The following TRAPPC9 variants were observed in gnomAD, a reference collection of about 807,000 sequenced individuals.
The protein encoded by TRAPPC9 is IKK2 binding protein.
In TRAPPC9, 83 loss-of-function variants were observed where a neutral mutation model predicts 124.0. The observed-to-expected ratio is 0.67, with a 90% CI of 0.56 to 0.80. The LOEUF is 0.80. Among genes scored for constraint, TRAPPC9 ranks in the 30% least tolerant of loss-of-function variants. TRAPPC9 has a pLI of 0.00. For missense variants in TRAPPC9, 1,302 were observed against 1,508.3 expected, an observed-to-expected ratio of 0.86 and a Z score of 2.27; for synonymous variants, 638 against 617.5, an observed-to-expected ratio of 1.03 and a Z score of -0.49.
At chr8:139,926,613 A>AT (rs1832832880) in intron 19 of TRAPPC9, among the ~76,000 whole-genome samples, 1 of 151,424 alleles carries the variant, frequency 6.6e-6, no homozygotes, top group South Asian at 2.1e-4. Flanking sequence ...AAAATAAAAA[A>AT]AAAAAAAAAA....
chr8:139,755,183 G>A (rs941891102), intron 21 of TRAPPC9, among the ~76,000 whole-genome samples: 6 of 152,234 alleles, frequency 3.9e-5, no homozygotes, highest in African/African-American at 1.4e-4. Context: ...CACCCTCCAG[G>A]TCCTCGGATA....
chr8:139,906,574 G>C (rs1831377667), intron 20 of TRAPPC9, among the ~76,000 whole-genome samples: 1 of 152,128 alleles, frequency 6.6e-6, no homozygotes. Flanking sequence ...GGAGAGAAGG[G>C]GGAAGAGAGG....
Position 140,321,710 on chromosome 8 carries a change from T to C in TRAPPC9, c.1496-10336A>G, listed in dbSNP as rs542656295. On this transcript the variant is annotated intron_variant, in intron 9 of 22. Transcript: ENST00000438773. ...TGTAGGTGGGTGCAACAGAGTAGAC[T>C]CCCATGGGCAAATCTACCATTCTCC... Among the ~76,000 whole-genome samples the C allele has an allele frequency of 4.6e-5, 7 of 152,242 alleles. No homozygotes were observed. In the East Asian group the frequency reaches 1.4e-3, roughly 29 times the overall value.
chr8:140,159,364 G>A (rs1481952088), intron 17 of TRAPPC9, among the ~76,000 whole-genome samples: 1 of 152,274 alleles, frequency 6.6e-6, no homozygotes, highest in East Asian at 1.9e-4. Context: ...GCACAGAGCA[G>A]GCCCTCAGGA....
At chr8:139,937,469 G>C (rs1281444520) in intron 19 of TRAPPC9, among the ~76,000 whole-genome samples, 1 of 152,120 alleles carries the variant, frequency 6.6e-6, no homozygotes, top group Non-Finnish European at 1.5e-5. Context: ...CCCTTCCTAG[G>C]AGCCCAAGGC....
At chr8:140,312,429 T>C (rs762523635) in intron 9 of TRAPPC9, among the ~76,000 whole-genome samples, 1 of 152,194 alleles carries the variant, frequency 6.6e-6, no homozygotes, top group Non-Finnish European at 1.5e-5. Flanking sequence ...CCTTTCTGCA[T>C]CTTGTTTGCC....
At chr8:139,848,705 A>C (rs1244048365) in intron 21 of TRAPPC9, among the ~76,000 whole-genome samples, 1 of 152,168 alleles carries the variant, frequency 6.6e-6, no homozygotes, top group Non-Finnish European at 1.5e-5. Flanking sequence ...ACTTAGATGA[A>C]TTACAGTGTT....
intron 9 of TRAPPC9, among the ~76,000 whole-genome samples, chr8:140,336,492 C>T (rs1168929500): frequency 6.6e-6 from 1 of 152,176 alleles, no homozygotes; most frequent in Admixed American, 6.5e-5. Flanking sequence ...TCCTGCCCTT[C>T]CCCAGCCCCA....
Position 140,454,619 on chromosome 8 carries a change from A to G in TRAPPC9, c.-11+3020T>C, listed in dbSNP as rs546258946. The stretch of plus-strand genomic sequence containing the variant: ...CACGCCACTGCACTCCAGCCTGGGC[A>G]ATAAGAGTAAGACTCCCTCTCAAAA... On this transcript the variant is annotated intron_variant, in intron 1 of 22. Transcript: ENST00000438773. Among the ~76,000 whole-genome samples the G allele has an allele frequency of 5.7e-4, 78 of 136,872 alleles. No homozygotes were observed. The East Asian group carries it at 0.015, about 26-fold the overall frequency. The allele number at this position is 136,872 out of a possible 152,430, so 89.8% of individuals were successfully genotyped here.
chr8:139,770,892 G>C (rs1040903309), intron 21 of TRAPPC9, among the ~76,000 whole-genome samples: 1 of 152,088 alleles, frequency 6.6e-6, no homozygotes, highest in Non-Finnish European at 1.5e-5. Flanking sequence ...GGCCCTGCCC[G>C]GGCCTGGCGG....
chr8:140,405,062 C>T (rs542031077), intron 6 of TRAPPC9, among the ~76,000 whole-genome samples: 1 of 152,056 alleles, frequency 6.6e-6, no homozygotes, highest in African/African-American at 2.4e-5. Flanking sequence ...TGCCACTCTT[C>T]GGCACAACTT....
chr8:139,939,639 G>A (rs574014998), intron 19 of TRAPPC9, among the ~76,000 whole-genome samples: 136 of 152,338 alleles, frequency 8.9e-4, no homozygotes, highest in Non-Finnish European at 1.7e-3. Flanking sequence ...CGTGTCCCAG[G>A]CCACCCCGTC....
chr8:140,014,279 C>T (rs1039927676), intron 18 of TRAPPC9, among the ~76,000 whole-genome samples: 6 of 152,082 alleles, frequency 3.9e-5, no homozygotes, highest in African/African-American at 7.2e-5. Context: ...GAGGGAGGCT[C>T]GGCACTCAGA....
In TRAPPC9 at chr8:139,826,056, GGA is replaced by G. The variant is rs1244280713; in HGVS notation, c.3055+59821_3055+59822del. ...CCTGGTGGGCAAGGAAGAGGAGCGTGGAGAGGTCTTCCTGGCCAGGTCTGAAG... is the reference window on the plus strand; with the variant it reads ...CCTGGTGGGCAAGGAAGAGGAGCGTGGAGGTCTTCCTGGCCAGGTCTGAAG... On this transcript the variant is annotated intron_variant, in intron 21 of 22. Transcript: ENST00000438773. Among the ~76,000 whole-genome samples the G allele has an allele frequency of 3.9e-5, 6 of 152,234 alleles. No individual in the cohort carries two copies. In the East Asian group the frequency reaches 1.2e-3, roughly 29 times the overall value.
intron 9 of TRAPPC9, among the ~76,000 whole-genome samples, chr8:140,319,317 G>A (rs1269730390): frequency 6.7e-6 from 1 of 149,562 alleles, no homozygotes; most frequent in African/African-American, 2.5e-5. Flanking sequence ...CTGGGACTAC[G>A]GGCACCCGCC....
chr8:140,321,508 G>A (rs937160584), intron 9 of TRAPPC9, among the ~76,000 whole-genome samples: 6 of 152,342 alleles, frequency 3.9e-5, no homozygotes, highest in Admixed American at 1.3e-4. Flanking sequence ...CCATCAGAGA[G>A]CTGAGGATGC....
intron 21 of TRAPPC9, among the ~76,000 whole-genome samples, chr8:139,758,713 G>A (rs2130328576): frequency 6.6e-6 from 1 of 152,346 alleles, no homozygotes; most frequent in East Asian, 1.9e-4. Flanking sequence ...AGGCGGTTGG[G>A]GCAGGCTGAG....
chr8:140,266,572 T>TCTGTGGCC (rs1372320866), intron 15 of TRAPPC9, among the ~76,000 whole-genome samples: 2 of 151,954 alleles, frequency 1.3e-5, no homozygotes, highest in Admixed American at 1.3e-4. Context: ...TAAACTCATC[T>TCTGTGGCC]CTGTGGCCGG....
intron 17 of TRAPPC9, among the ~76,000 whole-genome samples, chr8:140,068,594 T>C (rs1029688529): frequency 1.1e-4 from 17 of 152,254 alleles, no homozygotes; most frequent in Non-Finnish European, 2.5e-4. Flanking sequence ...GCCACGCTTG[T>C]CATGAAATCA....
Sources: allele counts gnomAD v4.1 joint callset (sites outside exome capture counted in the v4.1 genomes callset), GRCh38; gene constraint gnomAD v4.1.1; transcripts MANE v1.5; gene names NCBI Gene and HGNC (gene_info 2026-07-23, HGNC 2026-07-21).